The following TBC1D9 variants were observed in gnomAD, a reference collection of about 807,000 sequenced individuals.
The protein encoded by TBC1D9 is TBC1 domain family member 9.
A neutral mutation model predicts 132.0 loss-of-function variants in TBC1D9; 63 were observed. The ratio of observed to expected loss-of-function variants is 0.48; its 90% CI spans 0.39 to 0.59. The LOEUF (loss-of-function observed/expected upper bound fraction) is 0.59, where lower values mean the gene tolerates loss of function less well. TBC1D9 is among the 20% of genes least tolerant of loss of function. The pLI is 0.00. For synonymous variants in TBC1D9, 610 were observed against 609.9 expected (o/e 1.00, Z 0.00); for missense variants, 1,261 against 1,592.7 (o/e 0.79, Z 3.54).
At chr4:140,714,616 A>C (rs2111052019) in intron 1 of TBC1D9, among the ~76,000 whole-genome samples, 1 of 152,358 alleles carries the variant, frequency 6.6e-6, no homozygotes, top group East Asian at 1.9e-4. Flanking sequence ...CAAGGTGCTA[A>C]GCTCTGAGCT....
At chr4:140,680,425 AC>A (rs1425548223) in intron 3 of TBC1D9, among the ~76,000 whole-genome samples, 1 of 152,180 alleles carries the variant, frequency 6.6e-6, no homozygotes, top group African/African-American at 2.4e-5. Context: ...AGGAAATGAA[AC>A]ATCTGCATAG....
intron 2 of TBC1D9, among the ~76,000 whole-genome samples, chr4:140,686,683 GT>G (rs1737787329): frequency 6.6e-6 from 1 of 152,154 alleles, no homozygotes; most frequent in Admixed American, 6.6e-5. Flanking sequence ...TTATAATCAA[GT>G]TTGATTAGGT....
chr4:140,637,236 G>C (rs1321798111), intron 15 of TBC1D9, among the ~76,000 whole-genome samples: 3 of 152,160 alleles, frequency 2.0e-5, no homozygotes, highest in Admixed American at 6.5e-5. Context: ...TGTACTCCCA[G>C]CTACTCGGGA....
In TBC1D9 at chr4:140,670,799, G is replaced by A; in HGVS notation, c.1187C>T (p.Ser396Leu). 3.7e-6 allele frequency: 6 copies of A among 1,613,990 alleles called. No homozygotes were observed. The highest frequency in any genetic ancestry group is 5.1e-6 in the Non-Finnish European group (6 of 1,179,870). The part of the protein sequence containing the change: ...KDRDFLVQRI[S>L]DFLQQTTSKI... ...GGAAGTAGTCTGTTGCAGGAAATCT[G>A]AGATCCTCTGCACTAGAAAGTCTCT... The change falls in exon 7 of 21, where the codon TCA (serine) becomes TTA (leucine). Residue 396 changes from serine to leucine, a missense_variant. Around this residue, in one of 3 missense-constraint regions of TBC1D9, gnomAD observed 550 missense variants for 699.0 expected, o/e 0.79. Coordinates refer to ENST00000442267, the MANE Select transcript of TBC1D9 (RefSeq NM_015130.3).
chr4:140,649,844 T>A (rs1737160874), intron 13 of TBC1D9, among the ~76,000 whole-genome samples: 1 of 152,162 alleles, frequency 6.6e-6, no homozygotes. Context: ...CTTTCTAGGG[T>A]ACTCTGATCT....
chr4:140,754,714 A>T (rs1738980631), intron 1 of TBC1D9, among the ~76,000 whole-genome samples: 1 of 151,288 alleles, frequency 6.6e-6, no homozygotes, highest in Non-Finnish European at 1.5e-5. Flanking sequence ...GATAACTTCT[A>T]CAAAATGACC....
Position 140,657,154 on chromosome 4 carries a change from A to G in TBC1D9, c.2280T>C (p.Asp760=). 1.9e-6 allele frequency: 3 copies of G among 1,613,952 alleles called. 1 individual carries two copies. The Admixed American group carries it at 5.0e-5, about 27-fold the overall frequency. The change falls in exon 13 of 21, where the codon GAT becomes GAC. Residue 760 remains aspartate (D), a synonymous_variant. Transcript: ENST00000442267. ...PIPHLHSLLS[D]DVEPYPEVDI... is the part of the protein sequence containing the mutation. ...CTACCTCAGGGTAAGGTTCCACATC[A>G]TCGCTGAGCAAGGAGTGGAGGTGAG... is the stretch of plus-strand genomic sequence containing the variant.
chr4:140,723,217 C>T (rs981669986), intron 1 of TBC1D9, among the ~76,000 whole-genome samples: 1 of 152,204 alleles, frequency 6.6e-6, no homozygotes, highest in Non-Finnish European at 1.5e-5. Context: ...CAAAGGATGT[C>T]CATGTTCCAC....
intron 1 of TBC1D9, among the ~76,000 whole-genome samples, chr4:140,725,764 A>C (rs1220304866): frequency 1.3e-5 from 2 of 152,128 alleles, no homozygotes; most frequent in Non-Finnish European, 1.5e-5. Context: ...CACGGTATGG[A>C]AAAACCTTTT....
At chr4:140,646,713 A>C (rs1737108325) in intron 13 of TBC1D9, among the ~76,000 whole-genome samples, 1 of 152,232 alleles carries the variant, frequency 6.6e-6, no homozygotes, top group Non-Finnish European at 1.5e-5. Context: ...TAATCAGAGC[A>C]AAAGAGTACA....
chr4:140,685,147 T>C (rs1007714694), intron 3 of TBC1D9, among the ~76,000 whole-genome samples: 2 of 152,124 alleles, frequency 1.3e-5, no homozygotes, highest in African/African-American at 4.8e-5. Context: ...AGATGAAAAA[T>C]CATCAATGGA....
chr4:140,626,147 G>A (rs1242863749), intron 18 of TBC1D9, among the ~76,000 whole-genome samples: 1 of 152,174 alleles, frequency 6.6e-6, no homozygotes, highest in Non-Finnish European at 1.5e-5. Flanking sequence ...ATGGTATTAG[G>A]TTGGTGAAAA....
At chr4:140,755,298 T>A (rs1738990992) in intron 1 of TBC1D9, among the ~76,000 whole-genome samples, 1 of 152,226 alleles carries the variant, frequency 6.6e-6, no homozygotes, top group South Asian at 2.1e-4. Context: ...AAGAAGTGAT[T>A]GAGCAAAAAT....
rs17006311 is a variant in TBC1D9 at position 140,670,704 on chromosome 4, G to T, written c.1266+16C>A. The T allele has an allele frequency of 0.019, 30,315 of 1,609,800 alleles. 337 individuals carry two copies. The highest frequency in any genetic ancestry group is 0.022 in the Non-Finnish European group (26,013 of 1,177,326). ...ACAGGATAAACCAAAAATACTTTCA[G>T]GTGTCTCCCACAGACCTCATCATCT... is the stretch of plus-strand genomic sequence containing the variant. On this transcript the variant is annotated intron_variant, in intron 7 of 20. Coordinates refer to ENST00000442267, the MANE Select transcript of TBC1D9 (RefSeq NM_015130.3).
At chr4:140,629,400 C>T (rs1273881929) in intron 16 of TBC1D9, among the ~76,000 whole-genome samples, 1 of 152,162 alleles carries the variant, frequency 6.6e-6, no homozygotes, top group Admixed American at 6.5e-5. Context: ...GAGTCCATGA[C>T]TCAAAAATGG....
At chr4:140,645,102 T>C (rs1737083568) in intron 13 of TBC1D9, 2 of 547,524 alleles carry the variant, frequency 3.7e-6, no homozygotes, top group Admixed American at 2.3e-5. Context: ...GAGGTTGGGG[T>C]TCAGGCCTTT....
intron 13 of TBC1D9, chr4:140,644,389 C>T (rs1737065264): frequency 7.0e-6 from 2 of 283,708 alleles, no homozygotes; most frequent in Non-Finnish European, 1.4e-5. Flanking sequence ...TTGGACACGT[C>T]CTCCAGCGGC....
chr4:140,652,924 A>G (rs892248231), intron 13 of TBC1D9, among the ~76,000 whole-genome samples: 1 of 152,226 alleles, frequency 6.6e-6, no homozygotes, highest in African/African-American at 2.4e-5. Context: ...CATCTCGAAC[A>G]TGAAGCAGCT....
At chr4:140,641,875 C>T (rs1007697340) in intron 13 of TBC1D9, 4 of 369,208 alleles carry the variant, frequency 1.1e-5, no homozygotes, top group African/African-American at 2.1e-5. Flanking sequence ...CTCCCGTGCG[C>T]CCACTCGCTT....
Sources: allele counts gnomAD v4.1 joint callset (sites outside exome capture counted in the v4.1 genomes callset), GRCh38; gene constraint gnomAD v4.1.1; regional missense constraint gnomAD v4.1.1; transcripts MANE v1.5; gene names NCBI Gene and HGNC (gene_info 2026-07-23, HGNC 2026-07-21).